The following FBN1 variants were observed in gnomAD, a reference collection of about 807,000 sequenced individuals.
FBN1 encodes the protein fibrillin 1.
A neutral mutation model predicts 365.1 loss-of-function variants in FBN1; 29 were observed. That is an observed-to-expected ratio of 0.08 (90% CI 0.06 to 0.11). FBN1 has a LOEUF of 0.11. Among genes scored for constraint, FBN1 ranks in the 10% least tolerant of loss-of-function variants. The pLI, the probability that FBN1 is intolerant of heterozygous loss-of-function variation, is 1.00. For missense variants in FBN1, 2,476 were observed against 3,703.2 expected, an observed-to-expected ratio of 0.67 and a Z score of 8.60; for synonymous variants, 1,210 against 1,270.5, an observed-to-expected ratio of 0.95 and a Z score of 1.01.
At chr15:48,540,328 G>C (rs1396982956) in intron 6 of FBN1, among the ~76,000 whole-genome samples, 1 of 152,108 alleles carries the variant, frequency 6.6e-6, no homozygotes, top group Non-Finnish European at 1.5e-5. Flanking sequence ...TCGTACGTAA[G>C]ATTTTGTGTG....
chr15:48,537,781 A>C lies in FBN1; in HGVS notation c.566T>G (p.Val189Gly). ...TCCCTGGCACATCTGGTTGCTGATC[A>C]CAGTAAAACATGGGCCTGTCCTGTA... is the stretch of plus-strand genomic sequence containing the variant. ...RDYRTGPCFT[V>G]ISNQMCQGQL... Residue 189 changes from valine (V) to glycine (G), a missense_variant, in exon 7 of 66, where the codon GTG (valine) becomes GGG (glycine). Val to Gly is a moderately radical substitution (Grantham distance 109, BLOSUM62 -3). This residue lies in a region of FBN1 where 421 missense variants were observed against 520.1 expected (regional missense o/e 0.81). Transcript: ENST00000316623. 6.2e-7 allele frequency: 1 copy of C among 1,614,190 alleles called. No individual in the cohort carries two copies. The highest frequency in any genetic ancestry group is 1.7e-5 in the Admixed American group (1 of 60,034).
chr15:48,410,876 A>G lies in FBN1; in HGVS notation c.*114T>C, dbSNP rs1391683888. The G allele has an allele frequency of 9.1e-6, 10 of 1,097,376 alleles. No individual in the cohort carries two copies. The highest frequency in any genetic ancestry group is 1.3e-5 in the Non-Finnish European group (10 of 759,242). The allele number at this position is 1,097,376 out of a possible 1,614,324, so 68.0% of individuals were successfully genotyped here. A position where few individuals can be genotyped will look rare whatever the true frequency, so the allele number is the denominator to read the frequency against. On this transcript the variant is annotated 3_prime_UTR_variant, in exon 66 of 66. Coordinates refer to ENST00000316623, the MANE Select transcript of FBN1 (RefSeq NM_000138.5). ...ACAAAGAATAGTGCTTATTTATACA[A>G]ATTTACTTGGTGAAAGATTGTACCT...
intron 50 of FBN1, among the ~76,000 whole-genome samples, chr15:48,439,711 C>T (rs892387618): frequency 6.6e-6 from 1 of 152,094 alleles, no homozygotes; most frequent in Middle Eastern, 3.4e-3. Context: ...TAGCTGACTT[C>T]GTCCCAGACC....
chr15:48,484,268 T>C (rs2043488223), intron 30 of FBN1, among the ~76,000 whole-genome samples: 2 of 152,208 alleles, frequency 1.3e-5, no homozygotes, highest in South Asian at 4.1e-4. Flanking sequence ...TGTCAAATTA[T>C]AAATGCCTGA....
chr15:48,430,896 C>A, intron 55 of FBN1, 94 bp from the exon 56 acceptor site: 3 of 1,165,904 alleles, frequency 2.6e-6, no homozygotes, highest in South Asian at 1.3e-5. Context: ...AGTAAGTAAC[C>A]AATTTTCATC....
chr15:48,441,966 G>A (rs2043118849), intron 49 of FBN1, 120 bp from the exon 50 acceptor site: 1 of 1,025,224 alleles, frequency 9.8e-7, no homozygotes, highest in South Asian at 1.3e-5. Context: ...AATAATAAAG[G>A]TATTTTTCTG....
chr15:48,418,983 G>T (rs542901826), intron 63 of FBN1, among the ~76,000 whole-genome samples: 1 of 152,282 alleles, frequency 6.6e-6, no homozygotes, highest in African/African-American at 2.4e-5. Context: ...AGAAAGCAAT[G>T]AAATTAGTGG....
At position 48,568,049 on chromosome 15, in the gene FBN1, G is replaced by GAAAGAAGAAAGAAAGA. The variant is rs369157930; in HGVS notation, c.538+28233_538+28234insTCTTTCTTTCTTCTTT. Among the ~76,000 whole-genome samples the GAAAGAAGAAAGAAAGA allele has an allele frequency of 8.3e-3, 333 of 40,044 alleles. 1 individual carries two copies. Among genetic ancestry groups the GAAAGAAGAAAGAAAGA allele is most frequent in the African/African-American group, 9.5e-3 (69 of 7,292 alleles). The allele number at this position is 40,044 out of a possible 152,430, so 26.3% of individuals were successfully genotyped here. ...AGAAAGAAAGAAAGAAAGAAAGAAA[G>GAAAGAAGAAAGAAAGA]AAGAAAGAAAGAAAGAAAGAAAGAA... On this transcript the variant is annotated intron_variant, in intron 6 of 65. Transcript: ENST00000316623.
intron 8 of FBN1, among the ~76,000 whole-genome samples, chr15:48,532,990 T>A (rs529892481): frequency 1.3e-5 from 2 of 152,188 alleles, no homozygotes; most frequent in Non-Finnish European, 2.9e-5. Flanking sequence ...CTATCAGAGT[T>A]AGATTATTCA....
intron 5 of FBN1, among the ~76,000 whole-genome samples, chr15:48,599,171 C>T (rs2044540029): frequency 1.3e-5 from 2 of 152,132 alleles, no homozygotes; most frequent in Admixed American, 6.5e-5. Context: ...GCATTCTCTA[C>T]ATTTTTGTTT....
chr15:48,559,535 C>T (rs1252639191), intron 6 of FBN1, among the ~76,000 whole-genome samples: 1 of 152,192 alleles, frequency 6.6e-6, no homozygotes, highest in Non-Finnish European at 1.5e-5. Context: ...ACAGTTTTTA[C>T]AATCCTCAAG....
chr15:48,488,691 T>C (rs1297962873), intron 25 of FBN1, among the ~76,000 whole-genome samples, 198 bp from the exon 26 acceptor site: 3 of 152,240 alleles, frequency 2.0e-5, no homozygotes, highest in Non-Finnish European at 2.9e-5. Flanking sequence ...TTCTACATTT[T>C]ATAAAGCATT....
chr15:48,582,603 A>G (rs532192569), intron 6 of FBN1, among the ~76,000 whole-genome samples: 2 of 152,342 alleles, frequency 1.3e-5, no homozygotes, highest in African/African-American at 4.8e-5. Context: ...TCCAAACAGC[A>G]AATGATTTAC....
At position 48,456,871 on chromosome 15, in the gene FBN1, T is replaced by TGTGTGTGTGC. The variant is rs749897052; in HGVS notation, c.5297-110_5297-109insGCACACACAC. 27 of 1,083,640 alleles carry TGTGTGTGTGC rather than the reference T, an allele frequency of 2.5e-5. No homozygotes were observed. In the African/African-American group the frequency reaches 2.8e-4, roughly 11 times the overall value. The allele number at this position is 1,083,640 out of a possible 1,614,324, so 67.1% of individuals were successfully genotyped here. On this transcript the variant is annotated intron_variant, in intron 43 of 65. Coordinates refer to ENST00000316623, the MANE Select transcript of FBN1 (RefSeq NM_000138.5). ...GTGTGTGTGTGTGTGTGTGTGTGTG[T>TGTGTGTGTGC]GCGTGCATGTGTTGGGGTGGTGGTG... is the stretch of plus-strand genomic sequence containing the variant.
chr15:48,553,382 G>A (rs950503600), intron 6 of FBN1, among the ~76,000 whole-genome samples: 9 of 152,184 alleles, frequency 5.9e-5, no homozygotes, highest in African/African-American at 2.2e-4. Flanking sequence ...CAAACAATAC[G>A]TCAATAAGAA....
intron 32 of FBN1, among the ~76,000 whole-genome samples, chr15:48,480,565 T>A (rs978709103): frequency 2.0e-5 from 3 of 152,180 alleles, no homozygotes; most frequent in African/African-American, 7.2e-5. Flanking sequence ...CTGTTATTTT[T>A]GAACCAACAA....
intron 6 of FBN1, among the ~76,000 whole-genome samples, chr15:48,539,197 G>A (rs34398345): frequency 0.12 from 17,489 of 151,990 alleles, 1,177 homozygotes; most frequent in Non-Finnish European, 0.14. Context: ...CCATCACTAC[G>A]TGCTCTTCCT....
At chr15:48,617,997 T>G (rs1333913995) in intron 2 of FBN1, among the ~76,000 whole-genome samples, 2 of 152,182 alleles carry the variant, frequency 1.3e-5, no homozygotes, top group East Asian at 3.8e-4. Context: ...TGTTAGTGAT[T>G]AAACTCTTGG....
intron 6 of FBN1, among the ~76,000 whole-genome samples, chr15:48,572,407 T>C (rs1483231910): frequency 6.6e-6 from 1 of 151,744 alleles, no homozygotes; most frequent in South Asian, 2.1e-4. Flanking sequence ...AAGTTTTCAA[T>C]AAAGGGGAGA....
Sources: allele counts gnomAD v4.1 joint callset (sites outside exome capture counted in the v4.1 genomes callset), GRCh38; gene constraint gnomAD v4.1.1; regional missense constraint gnomAD v4.1.1; transcripts MANE v1.5; gene names NCBI Gene and HGNC (gene_info 2026-07-23, HGNC 2026-07-21).